RAP1A: variants seen among roughly 807,000 people sequenced by gnomAD.
RAP1A encodes the protein ras-related protein Rap-1A.
Under a neutral mutation model 26.4 loss-of-function variants are expected in RAP1A, and 6 were observed. The observed-to-expected ratio is 0.23, with a 90% CI of 0.12 to 0.45. The LOEUF (loss-of-function observed/expected upper bound fraction) is 0.45, where lower values mean the gene tolerates loss of function less well. Ranked by LOEUF, RAP1A falls within the 20% of genes least tolerant of loss-of-function variation. The pLI is 0.99. For synonymous variants in RAP1A, 73 were observed against 79.4 expected (o/e 0.92, Z 0.43); for missense variants, 121 against 217.2 (o/e 0.56, Z 2.78).
At chr1:111,688,739 TTG>T (rs1415472393) in intron 1 of RAP1A, among the ~76,000 whole-genome samples, 8 of 152,226 alleles carry the variant, frequency 5.3e-5, no homozygotes, top group African/African-American at 1.9e-4. Context: ...GTGGTTTTCT[TTG>T]TGTTTATACT....
At chr1:111,691,969 A>AT (rs1661684415) in intron 2 of RAP1A, among the ~76,000 whole-genome samples, 2 of 152,218 alleles carry the variant, frequency 1.3e-5, no homozygotes, top group African/African-American at 4.8e-5. Flanking sequence ...TGTGAGCGAG[A>AT]TACTCTGAAA....
At chr1:111,571,409 G>T (rs1658046801) in intron 1 of RAP1A, among the ~76,000 whole-genome samples, 1 of 152,174 alleles carries the variant, frequency 6.6e-6, no homozygotes. Flanking sequence ...GGGACTGAAA[G>T]TTCAGCCTTT....
intron 1 of RAP1A, among the ~76,000 whole-genome samples, chr1:111,561,411 C>A (rs966203550): frequency 6.6e-6 from 1 of 152,182 alleles, no homozygotes; most frequent in Non-Finnish European, 1.5e-5. Context: ...CGTGAGCCAC[C>A]GTGCCCAGCT....
intron 1 of RAP1A, among the ~76,000 whole-genome samples, chr1:111,624,907 A>G (rs1200998782): frequency 2.0e-5 from 3 of 152,182 alleles, no homozygotes; most frequent in Non-Finnish European, 4.4e-5. Flanking sequence ...TAGGCTATAT[A>G]AATTTAGGTT....
chr1:111,654,784 A>G (rs970679661), intron 1 of RAP1A, among the ~76,000 whole-genome samples: 1 of 149,862 alleles, frequency 6.7e-6, no homozygotes, highest in African/African-American at 2.5e-5. Flanking sequence ...TCTAAGTCCT[A>G]CTTGCTAATT....
Position 111,551,762 on chromosome 1 carries a change from T to TTTTG in RAP1A, c.-28+9257_-28+9260dup, listed in dbSNP as rs1405161137. 2.6e-3 allele frequency among the ~76,000 whole-genome samples: 77 copies of TTTTG among 29,406 alleles called. 1 individual carries two copies. The highest frequency in any genetic ancestry group is 0.013 in the Non-Finnish European group (27 of 2,076). The allele number at this position is 29,406 out of a possible 152,430, so 19.3% of individuals were successfully genotyped here. The stretch of plus-strand genomic sequence containing the variant: ...TGGTTTTTGGTTTTGTTTTGTTTTG[T>TTTTG]TTTGTTTTTTTGAGATGGAGTCTTT... On this transcript the variant is annotated intron_variant, in intron 1 of 7. Coordinates refer to the RAP1A transcript ENST00000356415.
intron 1 of RAP1A, among the ~76,000 whole-genome samples, chr1:111,626,398 CACAT>C (rs57868787): frequency 0.018 from 2,631 of 142,730 alleles, 28 homozygotes; most frequent in African/African-American, 0.037. Flanking sequence ...CACACACACA[CACAT>C]ATGCATGTAT....
Position 111,695,580 on chromosome 1 carries a change from A to T in RAP1A, c.126+171A>T, listed in dbSNP as rs544985173. Among the ~76,000 whole-genome samples, 7 of 152,318 alleles carry T rather than the reference A, an allele frequency of 4.6e-5. No individual in the cohort carries two copies. The East Asian group carries it at 1.3e-3, about 29-fold the overall frequency. ...CATTTCTTAACAGAATACTACTTTG[A>T]TATTCAGAGCTCTATGTTCTGTTAC... is the stretch of plus-strand genomic sequence containing the variant. On this transcript the variant is annotated intron_variant, in intron 3 of 7. Coordinates refer to ENST00000369709, the MANE Select transcript of RAP1A (RefSeq NM_002884.4).
intron 1 of RAP1A, among the ~76,000 whole-genome samples, chr1:111,667,059 T>TA (rs1660816686): frequency 6.6e-6 from 1 of 152,176 alleles, no homozygotes; most frequent in African/African-American, 2.4e-5. Flanking sequence ...AAGATCATTC[T>TA]GGCTGCAATG....
intron 1 of RAP1A, among the ~76,000 whole-genome samples, chr1:111,610,266 C>T (rs1320250924): frequency 1.3e-5 from 2 of 152,032 alleles, no homozygotes. Flanking sequence ...TACAGTCTAC[C>T]CCTGGCCAAT....
chr1:111,643,829 T>C (rs1659969636), intron 1 of RAP1A, among the ~76,000 whole-genome samples: 1 of 152,228 alleles, frequency 6.6e-6, no homozygotes, highest in African/African-American at 2.4e-5. Flanking sequence ...CACACATGCA[T>C]ACATTATGTA....
intron 1 of RAP1A, among the ~76,000 whole-genome samples, chr1:111,687,294 G>C (rs1266790888): frequency 6.7e-6 from 1 of 149,534 alleles, no homozygotes; most frequent in Admixed American, 6.7e-5. Flanking sequence ...TGCAACCTCT[G>C]TCTCCTGGGT....
chr1:111,659,687 G>C (rs185056328), intron 1 of RAP1A, among the ~76,000 whole-genome samples: 7 of 151,654 alleles, frequency 4.6e-5, no homozygotes, highest in Non-Finnish European at 7.4e-5. Flanking sequence ...CTCCCTTGTT[G>C]TTTCCTTTTT....
intron 1 of RAP1A, among the ~76,000 whole-genome samples, chr1:111,674,093 A>G (rs1394712560): frequency 6.6e-6 from 1 of 152,212 alleles, no homozygotes; most frequent in East Asian, 1.9e-4. Flanking sequence ...CATTTGGGGA[A>G]TATAAATGAT....
rs17028264 is a variant in RAP1A at position 111,699,148 on chromosome 1, A to G, written c.183+1651A>G. 5.4e-3 allele frequency among the ~76,000 whole-genome samples: 826 copies of G among 152,250 alleles called. 3 individuals carry two copies. The highest frequency in any genetic ancestry group is 0.019 in the African/African-American group (774 of 41,536). On this transcript the variant is annotated intron_variant, in intron 4 of 7. Coordinates refer to ENST00000369709, the MANE Select transcript of RAP1A (RefSeq NM_002884.4). ...GTACCTTGCATAAAACCTTACAAAC[A>G]GCTGCATAATCTTGTCTCAAAATCA...
At chr1:111,669,829 T>C (rs911543119) in intron 1 of RAP1A, among the ~76,000 whole-genome samples, 2 of 152,178 alleles carry the variant, frequency 1.3e-5, no homozygotes, top group African/African-American at 4.8e-5. Flanking sequence ...TGAATAGAAA[T>C]GTAAACCTAA....
At chr1:111,680,435 C>CT (rs892191122) in intron 1 of RAP1A, among the ~76,000 whole-genome samples, 3 of 152,092 alleles carry the variant, frequency 2.0e-5, no homozygotes, top group African/African-American at 4.8e-5. Context: ...CTGATTGGTG[C>CT]TTTTTTCAGA....
At chr1:111,553,226 C>T (rs114090486) in intron 1 of RAP1A, among the ~76,000 whole-genome samples, 197 of 152,272 alleles carry the variant, frequency 1.3e-3, no homozygotes, top group African/African-American at 4.6e-3. Flanking sequence ...TGTCTTTCTC[C>T]AAGGCAAAGG....
chr1:111,621,414 A>G (rs956587239), intron 1 of RAP1A, among the ~76,000 whole-genome samples: 3 of 152,154 alleles, frequency 2.0e-5, no homozygotes, highest in Non-Finnish European at 4.4e-5. Flanking sequence ...TTTTGAAATC[A>G]TATAGTTCGA....
Sources: allele counts gnomAD v4.1 joint callset (sites outside exome capture counted in the v4.1 genomes callset), GRCh38; gene constraint gnomAD v4.1.1; transcripts MANE v1.5; gene names NCBI Gene and HGNC (gene_info 2026-07-23, HGNC 2026-07-21).